ZCWPW2: variants seen among roughly 807,000 people sequenced by gnomAD.
ZCWPW2 encodes zinc finger CW-type PWWP domain protein 2.
In ZCWPW2, 45 loss-of-function variants were observed where a neutral mutation model predicts 46.6. The observed-to-expected ratio is 0.96, with a 90% CI of 0.76 to 1.24. ZCWPW2 has a LOEUF of 1.24. Ranked by LOEUF, ZCWPW2 falls within the 50% of genes most tolerant of loss-of-function variation. The probability of loss-of-function intolerance (pLI) is 0.00; values close to 1 mark genes in which losing one functional copy is unlikely to be tolerated. For synonymous variants in ZCWPW2, 152 were observed against 137.1 expected (o/e 1.11, Z -0.76); for missense variants, 429 against 403.9 (o/e 1.06, Z -0.53).
At chr3:28,454,534 A>G (rs1292206927) in intron 4 of ZCWPW2, among the ~76,000 whole-genome samples, 1 of 152,148 alleles carries the variant, frequency 6.6e-6, no homozygotes, top group African/African-American at 2.4e-5. Context: ...CGTTTGTTAC[A>G]TAGGTAAGTG....
Position 28,364,175 on chromosome 3 carries a change from C to T in ZCWPW2, c.-134+14972C>T, listed in dbSNP as rs535741565. ...ATGACAGAAACTTTTATATATTCTT[C>T]ATGGGAGTATAAGTTGGTACAACCA... is the stretch of plus-strand genomic sequence containing the variant. On this transcript the variant is annotated intron_variant, in intron 1 of 9. Transcript: ENST00000383768. Among the ~76,000 whole-genome samples, 5 of 152,304 alleles carry T rather than the reference C, an allele frequency of 3.3e-5. No individual in the cohort carries two copies. The South Asian group carries it at 8.3e-4, about 25-fold the overall frequency.
intron 3 of ZCWPW2, among the ~76,000 whole-genome samples, chr3:28,433,355 G>A (rs915004682): frequency 1.3e-5 from 2 of 152,058 alleles, no homozygotes; most frequent in African/African-American, 2.4e-5. Flanking sequence ...ATCTAATCTA[G>A]TGGAAAACAT....
chr3:28,414,729 A>T (rs1197429829), intron 3 of ZCWPW2, among the ~76,000 whole-genome samples: 1 of 83,820 alleles, frequency 1.2e-5, no homozygotes, highest in Non-Finnish European at 2.3e-5. Context: ...GTCCTTGCGA[A>T]AGTTTGCTGA....
At chr3:28,367,673 G>A (rs1201443589) in intron 1 of ZCWPW2, among the ~76,000 whole-genome samples, 3 of 152,184 alleles carry the variant, frequency 2.0e-5, no homozygotes, top group African/African-American at 7.2e-5. Context: ...GCTTGGTGCA[G>A]AGCTGAGTTC....
At chr3:28,515,748 T>C (rs1700548645) in intron 8 of ZCWPW2, 127 bp downstream of exon 8, 2 of 581,022 alleles carry the variant, frequency 3.4e-6, no homozygotes, top group Non-Finnish European at 5.6e-6. Context: ...TGTGTGTGTA[T>C]ACACATATAT....
chr3:28,454,066 G>C (rs1041109389), intron 4 of ZCWPW2, among the ~76,000 whole-genome samples: 1 of 151,338 alleles, frequency 6.6e-6, no homozygotes, highest in Non-Finnish European at 1.5e-5. Context: ...GGATGGTCTC[G>C]ATCTCCTGAC....
chr3:28,448,662 A>G (rs1037819017), intron 4 of ZCWPW2, among the ~76,000 whole-genome samples: 1 of 151,526 alleles, frequency 6.6e-6, no homozygotes, highest in Non-Finnish European at 1.5e-5. Flanking sequence ...GCGCATGCCT[A>G]TAATACGAGC....
intron 8 of ZCWPW2, 32 bp from the exon 9 acceptor site, chr3:28,520,960 G>T (rs1334321118): frequency 6.2e-7 from 1 of 1,609,786 alleles, no homozygotes; most frequent in East Asian, 2.2e-5. Context: ...GTGAGATGTA[G>T]CATTTTTACT....
At chr3:28,355,495 A>T (rs1339718514) in intron 1 of ZCWPW2, among the ~76,000 whole-genome samples, 7 of 152,244 alleles carry the variant, frequency 4.6e-5, no homozygotes. Flanking sequence ...ATTGGAAAAA[A>T]CTACTTTAAA....
chr3:28,490,110 C>T (rs1441765891), intron 5 of ZCWPW2, among the ~76,000 whole-genome samples: 7 of 151,996 alleles, frequency 4.6e-5, no homozygotes, highest in Non-Finnish European at 1.0e-4. Context: ...AAATCAAAAC[C>T]ATAATGAGAT....
At chr3:28,475,010 T>TA (rs201224692) in intron 4 of ZCWPW2, among the ~76,000 whole-genome samples, 41 of 151,832 alleles carry the variant, frequency 2.7e-4, no homozygotes, top group South Asian at 6.2e-4. Context: ...TTATTATTAT[T>TA]TTTTTTATTT....
At chr3:28,422,928 T>C (rs1696852838) in intron 3 of ZCWPW2, among the ~76,000 whole-genome samples, 2 of 152,220 alleles carry the variant, frequency 1.3e-5, no homozygotes, top group African/African-American at 4.8e-5. Flanking sequence ...TTCATTGTTT[T>C]AGTTTGTATT....
chr3:28,511,086 G>A, intron 6 of ZCWPW2: 1 of 455,872 alleles, frequency 2.2e-6, no homozygotes, highest in Non-Finnish European at 4.4e-6. Flanking sequence ...AATCAATGCT[G>A]AAGTGAAAAG....
chr3:28,385,783 A>T (rs907280819), intron 1 of ZCWPW2, among the ~76,000 whole-genome samples: 1 of 152,002 alleles, frequency 6.6e-6, no homozygotes, highest in Admixed American at 6.6e-5. Context: ...CTTATTACCT[A>T]TTTGGCCATG....
chr3:28,513,908 C>A (rs1208011630), intron 6 of ZCWPW2, among the ~76,000 whole-genome samples, 156 bp from the exon 7 acceptor site: 6 of 151,666 alleles, frequency 4.0e-5, no homozygotes, highest in Non-Finnish European at 2.9e-5. Context: ...ATTGCCGTGA[C>A]TATGCAGTGG....
chr3:28,348,851 G>A lies in ZCWPW2; in HGVS notation c.-486G>A. ...GACGAGCCGAGGCAGGAGGGGCCGG[G>A]CCGACGCGAGAGAAGGCCCGTTACC... On this transcript the variant is annotated 5_prime_UTR_variant, in exon 1 of 10. Coordinates refer to ENST00000383768, the MANE Select transcript of ZCWPW2 (RefSeq NM_001040432.4). 1.4e-6 allele frequency: 1 copy of A among 703,188 alleles called. No homozygotes were observed. The highest frequency in any genetic ancestry group is 1.7e-6 in the Non-Finnish European group (1 of 571,972). 43.6% of individuals were successfully genotyped at this position (703,188 alleles called of 1,614,324 possible). A position where few individuals can be genotyped will look rare whatever the true frequency, so the allele number is the denominator to read the frequency against.
At position 28,498,651 on chromosome 3, in the gene ZCWPW2, CT is replaced by C. The variant is rs35895836; in HGVS notation, c.657+6489del. 6.0e-3 allele frequency among the ~76,000 whole-genome samples: 865 copies of C among 144,758 alleles called. 5 individuals are homozygous for C. The highest frequency in any genetic ancestry group is 0.013 in the African/African-American group (523 of 39,706). The allele number at this position is 144,758 out of a possible 152,430, so 95.0% of individuals were successfully genotyped here. A position where few individuals can be genotyped will look rare whatever the true frequency, so the allele number is the denominator to read the frequency against. On this transcript the variant is annotated intron_variant, in intron 6 of 9. Coordinates refer to ENST00000383768, the MANE Select transcript of ZCWPW2 (RefSeq NM_001040432.4). ...ATTAGACAGTTAGGATTAGCTATGC[CT>C]TTTTTTTTTTATTATACTTTAAGTT...
chr3:28,476,562 AC>A (rs986934326), intron 4 of ZCWPW2, among the ~76,000 whole-genome samples: 2 of 152,154 alleles, frequency 1.3e-5, no homozygotes, highest in African/African-American at 4.8e-5. Flanking sequence ...GCAGTCTCCA[AC>A]CTTTTTGGTA....
At chr3:28,524,019 A>G (rs1700790993) in intron 9 of ZCWPW2, among the ~76,000 whole-genome samples, 1 of 152,118 alleles carries the variant, frequency 6.6e-6, no homozygotes, top group Admixed American at 6.6e-5. Flanking sequence ...CTTGAATTAC[A>G]TGGGAAGTGA....
Sources: gnomAD v4.1 joint callset for allele counts (sites outside exome capture counted in the v4.1 genomes callset) on GRCh38, gnomAD v4.1.1 for gene constraint, MANE v1.5 for transcripts, NCBI Gene and HGNC (gene_info 2026-07-23, HGNC 2026-07-21) for gene names.